MYO5A: variants seen among roughly 807,000 people sequenced by gnomAD.
MYO5A encodes unconventional myosin-Va.
In MYO5A, 98 loss-of-function variants were observed where a neutral mutation model predicts 249.7. The ratio of observed to expected loss-of-function variants is 0.39; its 90% CI spans 0.33 to 0.46. The LOEUF (loss-of-function observed/expected upper bound fraction) is 0.46, where lower values mean the gene tolerates loss of function less well. Ranked by LOEUF, MYO5A falls within the 20% of genes least tolerant of loss-of-function variation. MYO5A has a pLI of 0.98. For missense variants in MYO5A, 1,696 were observed against 2,308.8 expected, an observed-to-expected ratio of 0.73 and a Z score of 5.44; for synonymous variants, 778 against 810.6, an observed-to-expected ratio of 0.96 and a Z score of 0.68.
chr15:52,470,433 C>T, intron 1 of MYO5A, among the ~76,000 whole-genome samples: 1 of 152,152 alleles, frequency 6.6e-6, no homozygotes, highest in South Asian at 2.1e-4. Context: ...AGGCAGATCA[C>T]CTGAGGTGGG....
At chr15:52,386,856 T>G (rs1280335497) in intron 14 of MYO5A, among the ~76,000 whole-genome samples, 1 of 152,186 alleles carries the variant, frequency 6.6e-6, no homozygotes, top group Admixed American at 6.5e-5. Context: ...TCTCGACTTA[T>G]TTTCTGAAGG....
chr15:52,528,307 T>C (rs938818723), intron 1 of MYO5A, among the ~76,000 whole-genome samples: 3 of 152,114 alleles, frequency 2.0e-5, no homozygotes, highest in African/African-American at 7.2e-5. Flanking sequence ...GGATTCAAAA[T>C]AACCTCACAG....
intron 9 of MYO5A, among the ~76,000 whole-genome samples, chr15:52,401,775 T>C (rs552835404): frequency 6.6e-6 from 1 of 152,316 alleles, no homozygotes; most frequent in Admixed American, 6.5e-5. Flanking sequence ...CCTTTATGAA[T>C]TTTCATTAGA....
chr15:52,373,406 C>T (rs531833552), intron 20 of MYO5A, among the ~76,000 whole-genome samples: 1 of 152,192 alleles, frequency 6.6e-6, no homozygotes, highest in Non-Finnish European at 1.5e-5. Flanking sequence ...GGACATGGGT[C>T]CATTTTTGTA....
intron 1 of MYO5A, among the ~76,000 whole-genome samples, chr15:52,521,277 T>A (rs538409746): frequency 2.6e-5 from 4 of 152,186 alleles, no homozygotes; most frequent in Admixed American, 1.3e-4. Context: ...ACCTTCATCT[T>A]TCTAAACTAG....
At chr15:52,409,200 G>A (rs1034893346) in intron 6 of MYO5A, among the ~76,000 whole-genome samples, 1 of 151,876 alleles carries the variant, frequency 6.6e-6, no homozygotes, top group Non-Finnish European at 1.5e-5. Flanking sequence ...ACTAGCCTTT[G>A]GTCACGTACT....
intron 6 of MYO5A, among the ~76,000 whole-genome samples, chr15:52,409,607 G>C (rs570542325): frequency 1.3e-5 from 2 of 152,208 alleles, no homozygotes; most frequent in South Asian, 4.1e-4. Flanking sequence ...CAGTGTCAAG[G>C]GTATTTGAAC....
intron 1 of MYO5A, among the ~76,000 whole-genome samples, chr15:52,472,389 A>AT (rs1232841653): frequency 2.6e-5 from 4 of 151,502 alleles, no homozygotes; most frequent in Non-Finnish European, 5.9e-5. Flanking sequence ...CTATCCAGAC[A>AT]TTTTTTTCAT....
At chr15:52,316,193 C>T (rs1307341533) in intron 40 of MYO5A, among the ~76,000 whole-genome samples, 3 of 138,904 alleles carry the variant, frequency 2.2e-5, no homozygotes, top group Admixed American at 7.4e-5. Flanking sequence ...GAGATCATAC[C>T]ACTGCACTCC....
chr15:52,361,123 A>G (rs1030607162), intron 24 of MYO5A, among the ~76,000 whole-genome samples: 2 of 152,196 alleles, frequency 1.3e-5, no homozygotes, highest in Non-Finnish European at 2.9e-5. Flanking sequence ...TGTGAAGGGA[A>G]GATCCAAGAA....
intron 1 of MYO5A, among the ~76,000 whole-genome samples, chr15:52,472,545 T>G: frequency 6.6e-6 from 1 of 151,674 alleles, no homozygotes; most frequent in Non-Finnish European, 1.5e-5. Flanking sequence ...CCCTCCCCCA[T>G]CCCCCCACCG....
chr15:52,322,183 C>T (rs954971115), intron 37 of MYO5A, among the ~76,000 whole-genome samples: 1 of 152,246 alleles, frequency 6.6e-6, no homozygotes. Flanking sequence ...TACAGCCAAG[C>T]ATCTGCCTCC....
At chr15:52,415,838 A>T (rs190812829) in intron 5 of MYO5A, among the ~76,000 whole-genome samples, 1 of 152,316 alleles carries the variant, frequency 6.6e-6, no homozygotes, top group African/African-American at 2.4e-5. Context: ...AATAGACATG[A>T]GTCAGTTAAT....
chr15:52,399,892 A>G (rs2042671176), intron 9 of MYO5A, among the ~76,000 whole-genome samples: 1 of 152,128 alleles, frequency 6.6e-6, no homozygotes, highest in Non-Finnish European at 1.5e-5. Flanking sequence ...CCCACTTATA[A>G]GTGAGAATAT....
At chr15:52,454,297 A>AAGGAGC (rs2076076652) in intron 1 of MYO5A, among the ~76,000 whole-genome samples, 1 of 152,182 alleles carries the variant, frequency 6.6e-6, no homozygotes, top group Admixed American at 6.5e-5. Context: ...TAAAGGGATC[A>AAGGAGC]ATTAAGCAAG....
chr15:52,508,189 T>A (rs999759771), intron 1 of MYO5A, among the ~76,000 whole-genome samples: 42 of 152,338 alleles, frequency 2.8e-4, no homozygotes, highest in Non-Finnish European at 5.3e-4. Context: ...AGTTTAACTC[T>A]TGTTTATAAA....
intron 11 of MYO5A, among the ~76,000 whole-genome samples, chr15:52,395,749 T>C (rs929423387): frequency 6.6e-6 from 1 of 152,170 alleles, no homozygotes; most frequent in African/African-American, 2.4e-5. Context: ...CTCTGTGTCC[T>C]TCACTATTAC....
chr15:52,378,515 C>CAAAAAAGAA (rs2041552146), intron 18 of MYO5A, among the ~76,000 whole-genome samples: 1 of 10,474 alleles, frequency 9.5e-5, no homozygotes, highest in African/African-American at 1.5e-4. Flanking sequence ...AAGACTGTCT[C>CAAAAAAGAA]AAAAAAAAAA....
Position 52,388,996 on chromosome 15 carries a change from TA to T in MYO5A, c.1668+241del, listed in dbSNP as rs963100735. Among the ~76,000 whole-genome samples, 95 of 147,090 alleles carry T rather than the reference TA, an allele frequency of 6.5e-4. 1 individual carries two copies. In the East Asian group the frequency reaches 7.7e-3, roughly 12 times the overall value. On this transcript the variant is annotated intron_variant, in intron 13 of 41. Coordinates refer to ENST00000399233, the MANE Select transcript of MYO5A (RefSeq NM_001382347.1). ...GATCAGGTTTAGCTAAACGAGTTAT[TA>T]AAAAAAAAACAGTTTACAGAGATTC...
Sources: allele counts gnomAD v4.1 joint callset (sites outside exome capture counted in the v4.1 genomes callset), GRCh38; gene constraint gnomAD v4.1.1; transcripts MANE v1.5; gene names NCBI Gene and HGNC (gene_info 2026-07-23, HGNC 2026-07-21).